PCNP: variants seen among roughly 807,000 people sequenced by gnomAD.
PCNP encodes PEST proteolytic signal-containing nuclear protein.
PCNP carries 6 observed loss-of-function variants against 21.8 expected under a neutral mutation model. That is an observed-to-expected ratio of 0.28 (90% confidence interval 0.15 to 0.54). The LOEUF (loss-of-function observed/expected upper bound fraction) is 0.54, where lower values mean the gene tolerates loss of function less well. Ranked by LOEUF, PCNP falls within the 20% of genes least tolerant of loss-of-function variation. PCNP has a pLI of 0.95. For synonymous variants in PCNP, 67 were observed against 73.2 expected (o/e 0.92, Z 0.43); for missense variants, 161 against 215.5 (o/e 0.75, Z 1.58).
chr3:101,576,361 A>G (rs1934885800), intron 1 of PCNP: 15 of 662,454 alleles, frequency 2.3e-5, no homozygotes, highest in Non-Finnish European at 3.3e-5. Flanking sequence ...CAGCCTCCCA[A>G]GTAGCTGGGA....
chr3:101,592,485 T>C, intron 4 of PCNP, 142 bp from the exon 5 acceptor site: 1 of 578,018 alleles, frequency 1.7e-6, no homozygotes, highest in East Asian at 3.3e-5. Context: ...TGAAATGTAT[T>C]TTTAAAAAGC....
chr3:101,591,766 GTTTTT>G (rs149888934), intron 4 of PCNP, among the ~76,000 whole-genome samples: 18 of 102,294 alleles, frequency 1.8e-4, no homozygotes, highest in Non-Finnish European at 3.1e-4. Flanking sequence ...TGATTTTGGT[GTTTTT>G]TTTTTTTTTT....
chr3:101,589,968 T>C (rs1453416397), intron 3 of PCNP: 1 of 427,648 alleles, frequency 2.3e-6, no homozygotes, highest in East Asian at 4.7e-5. Context: ...AGTAGCTAAA[T>C]GGTTTTAGTT....
At chr3:101,578,213 C>T (rs546876521) in intron 1 of PCNP, among the ~76,000 whole-genome samples, 1 of 152,208 alleles carries the variant, frequency 6.6e-6, no homozygotes, top group South Asian at 2.1e-4. Context: ...GTGTCAGTCA[C>T]AGGAAAGTAG....
chr3:101,588,307 A>G (rs1017942124), intron 3 of PCNP, among the ~76,000 whole-genome samples: 2 of 152,188 alleles, frequency 1.3e-5, no homozygotes, highest in Admixed American at 6.6e-5. Flanking sequence ...AGTATGCATG[A>G]GCACATGCCA....
chr3:101,592,026 T>G (rs926634788), intron 4 of PCNP, among the ~76,000 whole-genome samples: 1 of 152,166 alleles, frequency 6.6e-6, no homozygotes, highest in African/African-American at 2.4e-5. Flanking sequence ...TTGCCACACT[T>G]AGCTGTATAT....
In PCNP at chr3:101,592,628, G is replaced by T; in HGVS notation, c.412G>T (p.Asp138Tyr). ...TAAATTTTCTTTCTTTTAACACAGG[G>T]ATACACCAACATCAGCTGGACCAAA... The part of the protein sequence containing the change: ...AKMRMKNIGR[D>Y]TPTSAGPNSF... Residue 138 changes from aspartate to tyrosine, a missense_variant and splice_region_variant, in exon 5 of 5, where the codon GAT (aspartate) becomes TAT (tyrosine). This residue lies in a region of PCNP where 66 missense variants were observed against 127.8 expected (regional missense o/e 0.52). Coordinates refer to ENST00000265260, the MANE Select transcript of PCNP (RefSeq NM_020357.3). 1 of 1,601,820 alleles carries T rather than the reference G, an allele frequency of 6.2e-7. No homozygotes were observed. The highest frequency in any genetic ancestry group is 8.5e-7 in the Non-Finnish European group (1 of 1,175,464).
chr3:101,587,871 C>G (rs1935614184), intron 3 of PCNP, among the ~76,000 whole-genome samples: 1 of 152,118 alleles, frequency 6.6e-6, no homozygotes, highest in South Asian at 2.1e-4. Context: ...TTGTAAGCAC[C>G]TACATTACAA....
At chr3:101,574,361 G>C in intron 1 of PCNP, 82 bp downstream of exon 1, 1 of 1,424,936 alleles carries the variant, frequency 7.0e-7, no homozygotes, top group Non-Finnish European at 9.4e-7. Flanking sequence ...GAGTGGGGTG[G>C]GGCGAGAATG....
chr3:101,575,469 ACC>A (rs1053912949), intron 1 of PCNP, among the ~76,000 whole-genome samples: 3 of 146,198 alleles, frequency 2.1e-5, no homozygotes, highest in African/African-American at 7.6e-5. Context: ...TTCCCTCCCC[ACC>A]CCCTGTCTTT....
At chr3:101,579,170 G>A (rs1935096564) in intron 1 of PCNP, among the ~76,000 whole-genome samples, 1 of 151,896 alleles carries the variant, frequency 6.6e-6, no homozygotes, top group African/African-American at 2.4e-5. Flanking sequence ...CTTAAAACAG[G>A]TAATAACCAA....
chr3:101,591,218 T>C (rs369209343), intron 4 of PCNP, among the ~76,000 whole-genome samples: 6 of 152,234 alleles, frequency 3.9e-5, no homozygotes, highest in African/African-American at 1.4e-4. Flanking sequence ...ATAACATTTA[T>C]TTTTAAGTTA....
intron 1 of PCNP, chr3:101,576,609 T>C (rs1576603517): frequency 6.2e-7 from 1 of 1,611,370 alleles, no homozygotes. Flanking sequence ...TCTTCTTCAG[T>C]CGCTCCAGGT....
chr3:101,576,855 A>G, intron 1 of PCNP: 1 of 1,607,820 alleles, frequency 6.2e-7, no homozygotes, highest in South Asian at 1.1e-5. Flanking sequence ...CCTTAATGGC[A>G]GTGATGGCAA....
intron 1 of PCNP, among the ~76,000 whole-genome samples, chr3:101,578,352 C>T (rs1202805622): frequency 6.6e-6 from 1 of 152,216 alleles, no homozygotes; most frequent in Non-Finnish European, 1.5e-5. Flanking sequence ...CATACTCTTT[C>T]AGAGATATTC....
intron 1 of PCNP, chr3:101,576,790 G>T (rs1934929171): frequency 4.3e-6 from 7 of 1,610,772 alleles, no homozygotes; most frequent in Non-Finnish European, 5.9e-6. Context: ...CGCCCTCTTG[G>T]TGAGGTCAGT....
intron 1 of PCNP, among the ~76,000 whole-genome samples, chr3:101,578,736 T>C (rs971771410): frequency 6.6e-6 from 1 of 152,194 alleles, no homozygotes; most frequent in Non-Finnish European, 1.5e-5. Flanking sequence ...TGTGTTCGAC[T>C]TTTTTTCTCC....
At chr3:101,574,600 C>T (rs981427539) in intron 1 of PCNP, among the ~76,000 whole-genome samples, 3 of 151,996 alleles carry the variant, frequency 2.0e-5, no homozygotes, top group Non-Finnish European at 2.9e-5. Context: ...GTGCAGGAGC[C>T]GCTACCGCCA....
intron 1 of PCNP, chr3:101,576,380 G>A (rs1419899999): frequency 3.7e-6 from 3 of 821,224 alleles, no homozygotes; most frequent in Non-Finnish European, 3.6e-6. Flanking sequence ...GACTACAGGC[G>A]CGGGCCACCA....
Sources: allele counts gnomAD v4.1 joint callset (sites outside exome capture counted in the v4.1 genomes callset), GRCh38; gene constraint gnomAD v4.1.1; regional missense constraint gnomAD v4.1.1; transcripts MANE v1.5; gene names NCBI Gene and HGNC (gene_info 2026-07-23, HGNC 2026-07-21).